The following LEMD1 variants were observed in gnomAD, a reference collection of about 807,000 sequenced individuals.
The protein encoded by LEMD1 is LEM domain containing 1, also known as LEM domain-containing protein 1.
Under a neutral mutation model 17.4 loss-of-function variants are expected in LEMD1, and 18 were observed. The observed-to-expected ratio is 1.04, with a 90% CI of 0.72 to 1.54. The LOEUF (loss-of-function observed/expected upper bound fraction) is 1.54, where lower values mean the gene tolerates loss of function less well. Ranked by LOEUF, LEMD1 falls within the 40% of genes most tolerant of loss-of-function variation. The pLI is 0.00. For synonymous variants in LEMD1, 88 were observed against 77.8 expected (o/e 1.13, Z -0.69); for missense variants, 195 against 210.4 (o/e 0.93, Z 0.45).
At chr1:205,416,129 G>T in intron 4 of LEMD1, 103 bp downstream of exon 4, 1 of 687,132 alleles carries the variant, frequency 1.5e-6, no homozygotes. Context: ...CACTATAACA[G>T]AATGTAGTGA....
intron 1 of LEMD1, among the ~76,000 whole-genome samples, chr1:205,442,142 G>A (rs1200754360): frequency 6.6e-6 from 1 of 152,158 alleles, no homozygotes; most frequent in South Asian, 2.1e-4. Context: ...GAAGGAAAGC[G>A]CCCTGCGTGG....
chr1:205,396,898 A>C (rs1302672611), intron 4 of LEMD1, among the ~76,000 whole-genome samples: 2 of 152,184 alleles, frequency 1.3e-5, no homozygotes, highest in Non-Finnish European at 2.9e-5. Context: ...TTGGGTGGGA[A>C]TCCAACTTCT....
chr1:205,432,404 C>T (rs996507686), intron 1 of LEMD1, among the ~76,000 whole-genome samples: 1 of 152,224 alleles, frequency 6.6e-6, no homozygotes, highest in African/African-American at 2.4e-5. Context: ...AAAACCTGCT[C>T]CAAGAGGGAA....
rs551114140 is a variant in LEMD1 at position 205,441,380 on chromosome 1, T to C, written c.-39+8488A>G. Among the ~76,000 whole-genome samples the C allele has an allele frequency of 5.3e-4, 81 of 152,222 alleles. No individual in the cohort carries two copies. The highest frequency in any genetic ancestry group is 1.9e-3 in the African/African-American group (80 of 41,536). On this transcript the variant is annotated intron_variant, in intron 1 of 3. Coordinates refer to the LEMD1 transcript ENST00000367154. This position sits in a 1 kb window ranked among gnomAD's most constrained non-coding sequence, Gnocchi z 4.3. ...CTCCCACCCGCTCTGCCCCACCTCA[T>C]CACCATATACCTGTGGTTGGGGAAC...
At chr1:205,405,826 T>A (rs1665068456) in intron 4 of LEMD1, among the ~76,000 whole-genome samples, 1 of 150,528 alleles carries the variant, frequency 6.6e-6, no homozygotes, top group Admixed American at 6.6e-5. Flanking sequence ...TTCCCCATCT[T>A]TGTGGTTTTA....
chr1:205,447,018 G>A (rs939766714), intron 1 of LEMD1, among the ~76,000 whole-genome samples: 8 of 152,236 alleles, frequency 5.3e-5, no homozygotes, highest in Non-Finnish European at 8.8e-5. Context: ...ATTTGTGGAC[G>A]TGCATCCAAT....
At chr1:205,442,520 C>T (rs538184117) in intron 1 of LEMD1, among the ~76,000 whole-genome samples, 2 of 152,292 alleles carry the variant, frequency 1.3e-5, no homozygotes, top group South Asian at 2.1e-4. Context: ...GCACAGTGCC[C>T]GGTGGATCCA....
intron 1 of LEMD1, among the ~76,000 whole-genome samples, chr1:205,428,280 G>A (rs1174766789): frequency 2.0e-5 from 3 of 152,198 alleles, no homozygotes; most frequent in Non-Finnish European, 4.4e-5. Context: ...AAAGCTTGGA[G>A]CAGGGGAGTG....
At chr1:205,432,761 C>A (rs908447990) in intron 1 of LEMD1, among the ~76,000 whole-genome samples, 2 of 152,236 alleles carry the variant, frequency 1.3e-5, no homozygotes, top group Non-Finnish European at 2.9e-5. Context: ...GTTATCCCAG[C>A]ACTTTGGAAG....
rs568374981 is a variant in LEMD1 at position 205,388,280 on chromosome 1, C to T, written c.271-3916G>A. Among the ~76,000 whole-genome samples the T allele has an allele frequency of 9.2e-5, 14 of 151,696 alleles. No individual in the cohort carries two copies. In the South Asian group the frequency reaches 2.1e-3, roughly 23 times the overall value. On this transcript the variant is annotated intron_variant, in intron 4 of 5. Coordinates refer to ENST00000367153, the MANE Select transcript of LEMD1 (RefSeq NM_001199050.2). ...TGGCGTGATCTCGGCTCACTGCAAT[C>T]GCCGCCTCCCAGGTTCAAGTGATTC...
intron 1 of LEMD1, among the ~76,000 whole-genome samples, chr1:205,430,756 CACGCGCA>C (rs1180302384): frequency 6.6e-6 from 1 of 152,254 alleles, no homozygotes. Context: ...GCGCACTGCG[CACGCGCA>C]CTCAGGCCGC....
In LEMD1 at chr1:205,419,242, C is replaced by G. The variant is rs574080924; in HGVS notation, c.193G>C (p.Asp65His). Residue 65 changes from aspartate to histidine, a missense_variant, in exon 3 of 6, where the codon GAT becomes CAT. Transcript: ENST00000367153. ...CTTATGGCGGTACCTTCGCTGTCATCACTGTCCTGCGCTCCATCCAGCTCT... is the reference window on the plus strand; with the variant it reads ...CTTATGGCGGTACCTTCGCTGTCATGACTGTCCTGCGCTCCATCCAGCTCT... The part of the protein sequence containing the change: ...PRELDGAQDS[D>H]DSEELNIILQ... 22 of 1,614,162 alleles carry G rather than the reference C, an allele frequency of 1.4e-5. No individual in the cohort carries two copies. The highest frequency in any genetic ancestry group is 1.9e-5 in the Non-Finnish European group (22 of 1,180,006).
At position 205,381,546 on chromosome 1, in the gene LEMD1, A is replaced by G; in HGVS notation, c.*112T>C. On this transcript the variant is annotated 3_prime_UTR_variant, in exon 6 of 6. Coordinates refer to ENST00000367153, the MANE Select transcript of LEMD1 (RefSeq NM_001199050.2). ...CTGTGAGAGCAGCACAGTGCAAGGGAAGGCTCCCTGCAAGGGAGGGCTGCA... is the reference window on the plus strand; with the variant it reads ...CTGTGAGAGCAGCACAGTGCAAGGGGAGGCTCCCTGCAAGGGAGGGCTGCA... 9.7e-7 allele frequency: 1 copy of G among 1,027,250 alleles called. No homozygotes were observed. Among genetic ancestry groups the G allele is most frequent in the South Asian group, 1.4e-5 (1 of 72,492 alleles). The allele number at this position is 1,027,250 out of a possible 1,614,324, so 63.6% of individuals were successfully genotyped here.
At chr1:205,384,399 G>A in intron 4 of LEMD1, 35 bp from the exon 5 acceptor site, 2 of 1,349,648 alleles carry the variant, frequency 1.5e-6, no homozygotes, top group Non-Finnish European at 2.0e-6. Context: ...AGAGGAATTT[G>A]TTTCCAATGT....
chr1:205,390,754 C>T (rs968188868), intron 4 of LEMD1, among the ~76,000 whole-genome samples: 2 of 152,096 alleles, frequency 1.3e-5, no homozygotes, highest in African/African-American at 4.8e-5. Flanking sequence ...TAAAAGCCTA[C>T]CTACTAATAA....
intron 2 of LEMD1, among the ~76,000 whole-genome samples, chr1:205,419,940 G>C (rs909409321): frequency 6.6e-6 from 1 of 152,124 alleles, no homozygotes; most frequent in Admixed American, 6.6e-5. Context: ...TAAATAAATA[G>C]TTAACAGGGT....
At chr1:205,411,444 A>G (rs1665422142) in intron 4 of LEMD1, among the ~76,000 whole-genome samples, 1 of 151,776 alleles carries the variant, frequency 6.6e-6, no homozygotes, top group Non-Finnish European at 1.5e-5. Context: ...AGTCCCAGCT[A>G]CCCGGAGAGG....
intron 1 of LEMD1, among the ~76,000 whole-genome samples, chr1:205,429,737 G>A (rs377737027): frequency 6.6e-6 from 1 of 151,862 alleles, no homozygotes; most frequent in African/African-American, 2.4e-5. Flanking sequence ...TGTCCTTGCC[G>A]CACCTTACCC....
chr1:205,395,976 C>T (rs1026313688), intron 4 of LEMD1, among the ~76,000 whole-genome samples: 10 of 152,048 alleles, frequency 6.6e-5, no homozygotes, highest in East Asian at 1.9e-4. Flanking sequence ...AATCTAGCAA[C>T]GCTAAATTCT....
Sources: allele counts gnomAD v4.1 joint callset (sites outside exome capture counted in the v4.1 genomes callset), GRCh38; gene constraint gnomAD v4.1.1; non-coding constraint Gnocchi (gnomAD v3.1); transcripts MANE v1.5; gene names NCBI Gene and HGNC (gene_info 2026-07-23, HGNC 2026-07-21).